EP400: variants seen among roughly 807,000 people sequenced by gnomAD.
The protein encoded by EP400 is E1A binding protein p400.
Under a neutral mutation model 354.1 loss-of-function variants are expected in EP400, and 105 were observed. That is an observed-to-expected ratio of 0.30 (90% CI 0.25 to 0.35). The LOEUF (loss-of-function observed/expected upper bound fraction) is 0.35. Among genes scored for constraint, EP400 ranks in the 10% least tolerant of loss-of-function variants. The probability of loss-of-function intolerance (pLI) is 1.00; values close to 1 mark genes in which losing one functional copy is unlikely to be tolerated. For missense variants in EP400, 3,280 were observed against 4,121.0 expected (o/e 0.80, Z 5.59); for synonymous variants, 1,646 against 1,716.9 (o/e 0.96, Z 1.02).
chr12:132,069,472 C>G, intron 50 of EP400, 23 bp from the exon 51 acceptor site: 1 of 1,611,594 alleles, frequency 6.2e-7, no homozygotes. Context: ...CTCTGCGGCC[C>G]TAATTTCGCA....
At position 132,064,832 on chromosome 12, in the gene EP400, G is replaced by C; in HGVS notation, c.8499G>C (p.Arg2833Ser). ...SPQLTTVTAP[R>S]PGALLTGTTV... Reference sequence around the variant, plus strand: ...AGCTCACGACGGTCACGGCCCCAAGGCCTGGTGCCCTGCTGACGGGCACCA... The same window carrying C: ...AGCTCACGACGGTCACGGCCCCAAGCCCTGGTGCCCTGCTGACGGGCACCA... Residue 2833 changes from arginine (R) to serine (S), a missense_variant, in exon 48 of 53, where the codon AGG (arginine) becomes AGC (serine). Physicochemically the swap from Arg to Ser is moderately radical, Grantham distance 110. Transcript: ENST00000389561. 6.2e-7 allele frequency: 1 copy of C among 1,612,324 alleles called. No individual in the cohort carries two copies. The highest frequency in any genetic ancestry group is 8.5e-7 in the Non-Finnish European group (1 of 1,179,666).
Position 132,017,739 on chromosome 12 carries a change from A to G in EP400, c.4110+18A>G. On this transcript the variant is annotated intron_variant, in intron 20 of 52. Transcript: ENST00000389561. This position sits in a 1 kb window ranked among gnomAD's most constrained non-coding sequence, Gnocchi z 5.0. The stretch of plus-strand genomic sequence containing the variant: ...TCTGGAAGGTAAGTGGAGGATCCAG[A>G]AAGCGGAATTACTGTTGGATATCTT... 6.6e-7 allele frequency: 1 copy of G among 1,510,142 alleles called. No individual in the cohort carries two copies. The highest frequency in any genetic ancestry group is 1.3e-5 in the South Asian group (1 of 74,950). The allele number at this position is 1,510,142 out of a possible 1,614,324, so 93.5% of individuals were successfully genotyped here. A position where few individuals can be genotyped will look rare whatever the true frequency, so the allele number is the denominator to read the frequency against.
In EP400 at chr12:132,013,707, G is replaced by A. The variant is rs375602606; in HGVS notation, c.3786+43G>A. 225 of 1,608,482 alleles carry A rather than the reference G, an allele frequency of 1.4e-4. 3 individuals are homozygous for A. The highest frequency in any genetic ancestry group is 8.4e-4 in the South Asian group (76 of 90,382). On this transcript the variant is annotated intron_variant, in intron 18 of 52. Transcript: ENST00000389561. This position sits in a 1 kb window ranked among gnomAD's most constrained non-coding sequence, Gnocchi z 4.5. ...ATTTCAGTTAATTAATTAAACATGCGTATGCCTTGTTATAAACGTGTTACA... is the reference window on the plus strand; with the variant it reads ...ATTTCAGTTAATTAATTAAACATGCATATGCCTTGTTATAAACGTGTTACA...
chr12:132,040,867 A>G (rs984621106), intron 32 of EP400, among the ~76,000 whole-genome samples: 21 of 152,180 alleles, frequency 1.4e-4, no homozygotes, highest in African/African-American at 4.3e-4. Flanking sequence ...GGCATCACCT[A>G]AGAGAGTCGC....
At chr12:132,005,752 T>C (rs117023050) in intron 13 of EP400, among the ~76,000 whole-genome samples, 5,308 of 152,092 alleles carry the variant, frequency 0.035, 134 homozygotes, top group Middle Eastern at 0.071. Flanking sequence ...AGGGTTCTGC[T>C]TTTTTCTTTC....
chr12:132,049,006 C>G (rs1230717435), intron 39 of EP400, among the ~76,000 whole-genome samples: 1 of 152,218 alleles, frequency 6.6e-6, no homozygotes, highest in Admixed American at 6.5e-5. Context: ...AGAGGACATG[C>G]CTCTTTGCAT....
At position 132,006,960 on chromosome 12, in the gene EP400, C is replaced by T. The variant is rs924222079; in HGVS notation, c.3304+83C>T. ...AGTGTGTTTGATGGGAGTGTGGGGA[C>T]TTGGCTATCTTATCTACTTCTTTGC... On this transcript the variant is annotated intron_variant, in intron 15 of 52. Transcript: ENST00000389561. The T allele has an allele frequency of 1.1e-5, 16 of 1,472,946 alleles. No individual in the cohort carries two copies. In the Admixed American group the frequency reaches 2.8e-4, roughly 25 times the overall value. 91.2% of individuals were successfully genotyped at this position (1,472,946 alleles called of 1,614,324 possible). A position where few individuals can be genotyped will look rare whatever the true frequency, so the allele number is the denominator to read the frequency against.
At chr12:131,998,477 C>CT (rs769346242) in intron 12 of EP400, among the ~76,000 whole-genome samples, 10 of 151,832 alleles carry the variant, frequency 6.6e-5, no homozygotes, top group Non-Finnish European at 1.2e-4. Flanking sequence ...GATTGTGTCT[C>CT]TTTTGTTAGA....
intron 3 of EP400, among the ~76,000 whole-genome samples, chr12:131,980,520 G>GT (rs918066721): frequency 4.6e-5 from 7 of 151,118 alleles, no homozygotes; most frequent in East Asian, 1.9e-4. Flanking sequence ...TAGTCTCATG[G>GT]TTTTTTTTTC....
chr12:132,042,491 T>A (rs1042036297), intron 32 of EP400, among the ~76,000 whole-genome samples: 1 of 152,154 alleles, frequency 6.6e-6, no homozygotes, highest in Admixed American at 6.5e-5. Flanking sequence ...TCACCGGGCA[T>A]CCTCCTCTAT....
chr12:132,062,350 G>T, intron 46 of EP400, 27 bp downstream of exon 46: 1 of 1,613,536 alleles, frequency 6.2e-7, no homozygotes, highest in African/African-American at 1.3e-5. Flanking sequence ...AGCTTTCTCT[G>T]CCACACGTCT....
chr12:132,002,597 G>C (rs7313168), intron 12 of EP400, among the ~76,000 whole-genome samples: 22 of 152,176 alleles, frequency 1.4e-4, no homozygotes, highest in Non-Finnish European at 2.5e-4. Context: ...CAGCTGATGG[G>C]CTCTGGTTGC....
chr12:132,032,257 A>C, intron 30 of EP400, 108 bp downstream of exon 30: 1 of 1,291,032 alleles, frequency 7.7e-7, no homozygotes, highest in Non-Finnish European at 1.1e-6. Context: ...GAAGCTTTGC[A>C]GGAGATATTG....
chr12:132,020,270 C>G, intron 22 of EP400, 52 bp downstream of exon 22: 1 of 1,520,214 alleles, frequency 6.6e-7, no homozygotes, highest in Non-Finnish European at 8.9e-7. Flanking sequence ...TTTTGTGGGA[C>G]AAGTTCATGG....
intron 2 of EP400, among the ~76,000 whole-genome samples, chr12:131,964,736 A>C (rs148626936): frequency 6.6e-6 from 1 of 152,170 alleles, no homozygotes; most frequent in African/African-American, 2.4e-5. Flanking sequence ...ATCATATCCT[A>C]TTCTTTTATC....
rs746759075 is a variant in EP400, at chr12:132,020,091, C to T, written c.4320C>T (p.Arg1440=). 1 of 1,601,540 alleles carries T rather than the reference C, an allele frequency of 6.2e-7. No individual in the cohort carries two copies. The highest frequency in any genetic ancestry group is 1.1e-5 in the South Asian group (1 of 89,034). Residue 1440 remains arginine, a synonymous_variant, in exon 22 of 53, where the codon CGC becomes CGT. Transcript: ENST00000389561. ...PVQYGQKPEG[R]TVAFPSTHPP... ...AGTATGGCCAGAAGCCCGAGGGTCG[C>T]ACCGTGGCTTTCCCCAGCACTCACC... is the stretch of plus-strand genomic sequence containing the variant.
Position 132,052,405 on chromosome 12 carries a change from G to T in EP400, c.7395-741G>T, listed in dbSNP as rs1251842931. ...TACTGCCCACGCTCTGAGTCGCCTG[G>T]CCCTGGCTTTCAGCCCCTTGGTGCT... is the stretch of plus-strand genomic sequence containing the variant. On this transcript the variant is annotated intron_variant, in intron 41 of 52. Transcript: ENST00000389561. The surrounding 1 kb of genome is among the most constrained non-coding windows in gnomAD (Gnocchi z 4.4). 4.6e-5 allele frequency among the ~76,000 whole-genome samples: 7 copies of T among 152,194 alleles called. No individual in the cohort carries two copies. Among genetic ancestry groups the T allele is most frequent in the Non-Finnish European group, 8.8e-5 (6 of 68,030 alleles).
At chr12:132,066,617 C>T (rs1200212389) in intron 48 of EP400, 157 bp from the exon 49 acceptor site, 6 of 740,072 alleles carry the variant, frequency 8.1e-6, no homozygotes, top group East Asian at 3.1e-5. Context: ...TTCCCTGCGG[C>T]GTGCAGATCT....
chr12:132,066,416 G>C, intron 48 of EP400: 1 of 223,894 alleles, frequency 4.5e-6, no homozygotes. Flanking sequence ...TCGAGTGCTC[G>C]CTGAAGGAAC....
Sources: allele counts gnomAD v4.1 joint callset (sites outside exome capture counted in the v4.1 genomes callset), GRCh38; gene constraint gnomAD v4.1.1; non-coding constraint Gnocchi (gnomAD v3.1); transcripts MANE v1.5; gene names NCBI Gene and HGNC (gene_info 2026-07-23, HGNC 2026-07-21).